Variants in MYO16 observed in about 807,000 individuals in gnomAD.
MYO16 encodes unconventional myosin-XVI.
A neutral mutation model predicts 205.3 loss-of-function variants in MYO16; 94 were observed. The ratio of observed to expected loss-of-function variants is 0.46; its 90% CI spans 0.39 to 0.54. MYO16 has a LOEUF of 0.54. Ranked by LOEUF, MYO16 falls within the 20% of genes least tolerant of loss-of-function variation. MYO16 has a pLI of 0.00. For missense variants in MYO16, 2,315 were observed against 2,387.5 expected, an observed-to-expected ratio of 0.97 and a Z score of 0.63; for synonymous variants, 988 against 954.0, an observed-to-expected ratio of 1.04 and a Z score of -0.66.
chr13:108,984,089 A>G (rs767505483), intron 20 of MYO16, among the ~76,000 whole-genome samples: 10 of 152,192 alleles, frequency 6.6e-5, no homozygotes, highest in Non-Finnish European at 1.3e-4. Flanking sequence ...ACTCTGCTCT[A>G]TCACAAAACT....
the MYO16 span, among the ~76,000 whole-genome samples, chr13:108,584,825 T>A: frequency 6.6e-6 from 1 of 152,228 alleles, no homozygotes. Flanking sequence ...TACACATAAT[T>A]AGATTTAATA....
chr13:109,193,653 G>A (rs1261761660), intron 34 of MYO16, among the ~76,000 whole-genome samples: 1 of 152,140 alleles, frequency 6.6e-6, no homozygotes, highest in Non-Finnish European at 1.5e-5. Context: ...AATGTAACAG[G>A]TTGGGGAAAG....
At chr13:108,659,253 A>G (rs2139419418) in intron 1 of MYO16, 1 of 163,738 alleles carries the variant, frequency 6.1e-6, no homozygotes, top group Admixed American at 6.7e-5. Flanking sequence ...TATGATATAT[A>G]TGATATATAT....
intron 1 of MYO16, among the ~76,000 whole-genome samples, chr13:108,596,555 A>C (rs1337171067): frequency 6.6e-6 from 1 of 152,220 alleles, no homozygotes; most frequent in Admixed American, 6.5e-5. Flanking sequence ...CAGACAAAAA[A>C]AGTGATTTTT....
At chr13:108,743,957 C>T (rs1204173865) in intron 4 of MYO16, among the ~76,000 whole-genome samples, 2 of 152,216 alleles carry the variant, frequency 1.3e-5, no homozygotes, top group African/African-American at 2.4e-5. Flanking sequence ...ACTTCAATTT[C>T]TTACATATCA....
At chr13:108,689,824 GA>G (rs1882821997) in intron 2 of MYO16, among the ~76,000 whole-genome samples, 1 of 152,028 alleles carries the variant, frequency 6.6e-6, no homozygotes, top group Non-Finnish European at 1.5e-5. Context: ...ATTTCCAGCA[GA>G]AAATAATCGA....
chr13:108,838,280 G>A (rs1003221206), intron 9 of MYO16, among the ~76,000 whole-genome samples: 8 of 152,048 alleles, frequency 5.3e-5, no homozygotes, highest in Non-Finnish European at 1.2e-4. Flanking sequence ...CATGCAGCGT[G>A]TTTAGAACAG....
intron 34 of MYO16, among the ~76,000 whole-genome samples, chr13:109,190,475 A>G (rs1482836037): frequency 1.3e-5 from 2 of 152,216 alleles, no homozygotes; most frequent in East Asian, 1.9e-4. Flanking sequence ...CATTAAATGC[A>G]TCTTAATCAC....
chr13:109,023,374 A>T (rs1172804061), intron 23 of MYO16, among the ~76,000 whole-genome samples: 1 of 63,476 alleles, frequency 1.6e-5, no homozygotes, highest in Non-Finnish European at 2.6e-5. Flanking sequence ...ATATATATTT[A>T]TATATTATAC....
chr13:108,832,313 T>C (rs1416765110), intron 9 of MYO16, among the ~76,000 whole-genome samples: 3 of 151,916 alleles, frequency 2.0e-5, no homozygotes, highest in Non-Finnish European at 2.9e-5. Flanking sequence ...CAGCTAATTT[T>C]TGTATTTTTA....
intron 4 of MYO16, among the ~76,000 whole-genome samples, chr13:108,784,112 A>G (rs972172069): frequency 5.9e-5 from 9 of 152,202 alleles, no homozygotes; most frequent in Non-Finnish European, 1.2e-4. Context: ...CGGCCTGCCT[A>G]TCCTTGACCA....
At chr13:109,105,434 T>C (rs1974016) in intron 28 of MYO16, among the ~76,000 whole-genome samples, 29,532 of 152,128 alleles carry the variant, frequency 0.19, 3,590 homozygotes, top group East Asian at 0.58. Context: ...ATTGTGCCAT[T>C]GCACTCCAGC....
chr13:108,523,210 G>A, the MYO16 span, among the ~76,000 whole-genome samples: 2 of 152,176 alleles, frequency 1.3e-5, no homozygotes, highest in African/African-American at 2.4e-5. Flanking sequence ...GAGAGTTGAA[G>A]AGCATGTGGA....
At chr13:108,900,612 C>T (rs1215194599) in intron 15 of MYO16, among the ~76,000 whole-genome samples, 2 of 152,114 alleles carry the variant, frequency 1.3e-5, no homozygotes. Flanking sequence ...CAATCAATAC[C>T]CTTGTGATTT....
chr13:108,739,022 T>G (rs903720575), intron 4 of MYO16, among the ~76,000 whole-genome samples: 2 of 152,248 alleles, frequency 1.3e-5, no homozygotes, highest in Non-Finnish European at 2.9e-5. Context: ...GTTTTGAGCC[T>G]ATGTGCATCT....
chr13:108,771,087 A>G (rs1410778186), intron 4 of MYO16, among the ~76,000 whole-genome samples: 1 of 152,184 alleles, frequency 6.6e-6, no homozygotes, highest in East Asian at 1.9e-4. Context: ...ATTTAGGACT[A>G]TAAAGGGGAG....
chr13:109,052,557 AT>A, intron 25 of MYO16, 82 bp downstream of exon 25: 1 of 1,021,568 alleles, frequency 9.8e-7, no homozygotes, highest in Non-Finnish European at 1.4e-6. Context: ...AAAAAGCACA[AT>A]TTTAAATACC....
intron 1 of MYO16, chr13:108,596,389 C>T (rs966352544): frequency 1.1e-4 from 13 of 115,266 alleles, no homozygotes; most frequent in African/African-American, 3.5e-4. Flanking sequence ...TTTTTCTTTG[C>T]TTTGGTTTTT....
intron 27 of MYO16, among the ~76,000 whole-genome samples, chr13:109,066,170 A>G (rs1305613760): frequency 6.6e-6 from 1 of 152,192 alleles, no homozygotes; most frequent in African/African-American, 2.4e-5. Flanking sequence ...ATTAAAGCTA[A>G]CGGACAGTGG....
Sources: gnomAD v4.1 joint callset for allele counts (sites outside exome capture counted in the v4.1 genomes callset) on GRCh38, gnomAD v4.1.1 for gene constraint, MANE v1.5 for transcripts, NCBI Gene and HGNC (gene_info 2026-07-23, HGNC 2026-07-21) for gene names.